The following NRIP1 variants were observed in gnomAD, a reference collection of about 807,000 sequenced individuals.
The protein encoded by NRIP1 is nuclear receptor-interacting protein 1.
A neutral mutation model predicts 75.0 loss-of-function variants in NRIP1; 28 were observed. The ratio of observed to expected loss-of-function variants is 0.37; its 90% CI spans 0.28 to 0.51. The LOEUF (loss-of-function observed/expected upper bound fraction) is 0.51. NRIP1 is among the 20% of genes least tolerant of loss of function. NRIP1 has a pLI of 0.92. For synonymous variants in NRIP1, 526 were observed against 487.6 expected (o/e 1.08, Z -1.04); for missense variants, 1,435 against 1,343.7 (o/e 1.07, Z -1.06).
Position 15,017,093 on chromosome 21 carries a change from TG to T in NRIP1, c.-457-2628del, listed in dbSNP as rs1334021201. Among the ~76,000 whole-genome samples, 7 of 152,254 alleles carry T rather than the reference TG, an allele frequency of 4.6e-5. No homozygotes were observed. The East Asian group carries it at 1.2e-3, about 25-fold the overall frequency. On this transcript the variant is annotated intron_variant, in intron 2 of 3. Transcript: ENST00000318948. ...ACTGGAACTTTAAAATGTGAACTTG[TG>T]GGCTAAATCTTTTTTTGGTCTGTGT...
intron 1 of NRIP1, among the ~76,000 whole-genome samples, chr21:15,059,123 T>A (rs2142218): frequency 6.6e-6 from 1 of 151,962 alleles, no homozygotes; most frequent in East Asian, 1.9e-4. Context: ...TGAATAAACA[T>A]CAACATCAGG....
chr21:15,042,801 A>G (rs1600916970), intron 2 of NRIP1, among the ~76,000 whole-genome samples: 1 of 152,346 alleles, frequency 6.6e-6, no homozygotes, highest in South Asian at 2.1e-4. Context: ...TATTTGTTAC[A>G]GCAGCTCAAA....
chr21:14,967,912 T>G lies in NRIP1; in HGVS notation c.281A>C (p.Asn94Thr), dbSNP rs1416332382. The change falls in exon 4 of 4, where the codon AAT (asparagine) becomes ACT (threonine). Residue 94 changes from asparagine to threonine, a missense_variant. By Grantham distance (65) the Asn-to-Thr change is moderately conservative. Transcript: ENST00000318948. ...ARLLQSSEDW[N>T]AAKRKRLSDS... is the part of the protein sequence containing the mutation. ...AGACAGCCTCTTCCGCTTTGCTGCATTCCAGTCCTCAGAAGACTGCAACAG... is the reference window on the plus strand; with the variant it reads ...AGACAGCCTCTTCCGCTTTGCTGCAGTCCAGTCCTCAGAAGACTGCAACAG... The G allele has an allele frequency of 6.2e-7, 1 of 1,614,156 alleles. No individual in the cohort carries two copies. Among genetic ancestry groups the G allele is most frequent in the Admixed American group, 1.7e-5 (1 of 60,002 alleles).
chr21:15,042,581 C>T (rs73172398), intron 2 of NRIP1, among the ~76,000 whole-genome samples: 24,765 of 152,026 alleles, frequency 0.16, 2,496 homozygotes, highest in Admixed American at 0.23. Flanking sequence ...AGGGCAATGC[C>T]CTCATGAACA....
In NRIP1 at chr21:14,965,787, T is replaced by C; in HGVS notation, c.2406A>G (p.Lys802=). Residue 802 remains lysine, a synonymous_variant, in exon 4 of 4, where the codon AAA becomes AAG. Transcript: ENST00000318948. Reference sequence around the variant, plus strand: ...AATCCTGAGGTGAAACAGGCTCCGATTTAAAGTCTTCGGACACTGGTAAGG... The same window carrying C: ...AATCCTGAGGTGAAACAGGCTCCGACTTAAAGTCTTCGGACACTGGTAAGG... ...APALPVSEDF[K]SEPVSPQDFS... The C allele has an allele frequency of 6.2e-7, 1 of 1,614,038 alleles. No individual in the cohort carries two copies. The highest frequency in any genetic ancestry group is 1.7e-5 in the Admixed American group (1 of 59,982).
At chr21:15,035,159 G>A (rs2088801907) in intron 2 of NRIP1, among the ~76,000 whole-genome samples, 1 of 152,140 alleles carries the variant, frequency 6.6e-6, no homozygotes, top group Admixed American at 6.5e-5. Context: ...AACTGTGGCT[G>A]TGACAGTAGC....
At chr21:15,065,008 T>C (rs1978757452), upstream of NRIP1, 1 of 153,512 alleles carries the variant, frequency 6.5e-6, no homozygotes, top group Non-Finnish European at 1.4e-5. Context: ...TCTGCGAGGC[T>C]GACTTTGAGC....
At chr21:15,035,849 T>TGACTTTCTAACA (rs1450189340) in intron 2 of NRIP1, among the ~76,000 whole-genome samples, 1 of 152,118 alleles carries the variant, frequency 6.6e-6, no homozygotes, top group Non-Finnish European at 1.5e-5. Context: ...GTGATGTATA[T>TGACTTTCTAACA]GACTTTCTAA....
chr21:15,024,901 A>G (rs1202545750), intron 2 of NRIP1, among the ~76,000 whole-genome samples: 1 of 152,222 alleles, frequency 6.6e-6, no homozygotes, highest in Non-Finnish European at 1.5e-5. Flanking sequence ...AATGGTGAAT[A>G]ATCACATGAA....
intron 1 of NRIP1, among the ~76,000 whole-genome samples, chr21:15,061,058 AACT>A (rs1198145901): frequency 2.0e-5 from 3 of 152,122 alleles, no homozygotes; most frequent in East Asian, 1.9e-4. Context: ...TCCCTGAAAA[AACT>A]ACAACTTAAG....
rs771899859 is a variant in NRIP1, at chr21:14,966,397, G to A, written c.1796C>T (p.Ser599Leu). The change falls in exon 4 of 4, where the codon TCA becomes TTA. Residue 599 changes from serine to leucine, a missense_variant. Ser to Leu is a moderately radical substitution (Grantham distance 145). Coordinates refer to ENST00000318948, the MANE Select transcript of NRIP1 (RefSeq NM_003489.4). ...EKLTNTASNHSMDLTKSKDPP... is the reference protein window; with the variant it reads ...EKLTNTASNHLMDLTKSKDPP... ...GTCTTTGCTTTTTGTAAGGTCCATT[G>A]AGTGGTTAGATGCAGTATTTGTTAG... 1.9e-6 allele frequency: 3 copies of A among 1,614,084 alleles called. No homozygotes were observed. The highest frequency in any genetic ancestry group is 1.6e-4 in the Middle Eastern group (1 of 6,062).
At chr21:14,971,928 T>A (rs1258937631) in intron 3 of NRIP1, among the ~76,000 whole-genome samples, 1 of 152,188 alleles carries the variant, frequency 6.6e-6, no homozygotes, top group East Asian at 1.9e-4. Context: ...TTATTTTTCA[T>A]TAATTTCTTT....
intron 3 of NRIP1, chr21:14,987,806 A>T (rs2087449050): frequency 6.6e-6 from 1 of 152,200 alleles, no homozygotes; most frequent in East Asian, 1.9e-4. Context: ...TGGTTAATAC[A>T]TTATTTATCC....
At chr21:15,012,585 T>G (rs1192939918) in intron 3 of NRIP1, among the ~76,000 whole-genome samples, 1 of 150,108 alleles carries the variant, frequency 6.7e-6, no homozygotes, top group African/African-American at 2.4e-5. Context: ...CCCAAATAAC[T>G]GGGACTACAG....
intron 2 of NRIP1, among the ~76,000 whole-genome samples, chr21:15,035,626 G>A (rs900840033): frequency 7.4e-5 from 11 of 148,220 alleles, no homozygotes; most frequent in African/African-American, 1.5e-4. Context: ...GCGCGATCTC[G>A]GCTCACTGCA....
At chr21:15,051,670 T>C (rs1259782923) in intron 1 of NRIP1, 1 of 152,198 alleles carries the variant, frequency 6.6e-6, no homozygotes. Flanking sequence ...AGTATAATAC[T>C]CTATAACTGA....
intron 3 of NRIP1, among the ~76,000 whole-genome samples, chr21:14,985,906 A>T (rs1195472564): frequency 6.6e-6 from 1 of 152,238 alleles, no homozygotes; most frequent in Non-Finnish European, 1.5e-5. Context: ...ATGAAGTATC[A>T]CATCAAAAGA....
At chr21:15,023,307 T>G (rs770335965) in intron 2 of NRIP1, among the ~76,000 whole-genome samples, 3 of 152,244 alleles carry the variant, frequency 2.0e-5, no homozygotes, top group Non-Finnish European at 4.4e-5. Context: ...AACCTAGATC[T>G]CTAATCTTAC....
intron 1 of NRIP1, among the ~76,000 whole-genome samples, chr21:15,061,002 T>C (rs185683786): frequency 9.2e-5 from 14 of 152,298 alleles, no homozygotes; most frequent in Admixed American, 7.2e-4. Context: ...TGTTGTGTTA[T>C]CTAAATACTA....
Sources: allele counts gnomAD v4.1 joint callset (sites outside exome capture counted in the v4.1 genomes callset), GRCh38; gene constraint gnomAD v4.1.1; transcripts MANE v1.5; gene names NCBI Gene and HGNC (gene_info 2026-07-23, HGNC 2026-07-21).